NTM: variants seen among roughly 807,000 people sequenced by gnomAD.
NTM encodes IgLON family member 2.
NTM carries 13 observed loss-of-function variants against 42.1 expected under a neutral mutation model. The ratio of observed to expected loss-of-function variants is 0.31; its 90% CI spans 0.20 to 0.49. The LOEUF (loss-of-function observed/expected upper bound fraction) is 0.49. Among genes scored for constraint, NTM ranks in the 20% least tolerant of loss-of-function variants. The pLI is 0.99. For missense variants in NTM, 373 were observed against 452.8 expected, an observed-to-expected ratio of 0.82 and a Z score of 1.60; for synonymous variants, 187 against 179.2, an observed-to-expected ratio of 1.04 and a Z score of -0.35.
chr11:131,510,376 G>T (rs1565582114), intron 1 of NTM, among the ~76,000 whole-genome samples: 2 of 152,182 alleles, frequency 1.3e-5, no homozygotes, highest in African/African-American at 2.4e-5. Context: ...GCCCAGTAAA[G>T]TACCTCTGTC....
intron 1 of NTM, among the ~76,000 whole-genome samples, chr11:131,883,434 A>G (rs560888248): frequency 2.6e-4 from 40 of 152,308 alleles, no homozygotes; most frequent in African/African-American, 9.1e-4. Flanking sequence ...TCCAGATCAC[A>G]GAGAGATTCT....
At chr11:132,024,117 A>AT (rs575820530) in intron 2 of NTM, among the ~76,000 whole-genome samples, 3,530 of 148,536 alleles carry the variant, frequency 0.024, 56 homozygotes, top group South Asian at 0.055. Context: ...TGCACCCAGC[A>AT]TTTTTTTTTT....
At chr11:131,589,814 C>T (rs1394356425) in intron 1 of NTM, among the ~76,000 whole-genome samples, 2 of 152,188 alleles carry the variant, frequency 1.3e-5, no homozygotes, top group Admixed American at 1.3e-4. Context: ...TGTGCCTCAC[C>T]TGGTGTCCCT....
At chr11:131,486,288 T>C (rs1954165410) in intron 1 of NTM, among the ~76,000 whole-genome samples, 1 of 152,182 alleles carries the variant, frequency 6.6e-6, no homozygotes, top group South Asian at 2.1e-4. Context: ...TGCTGATTCA[T>C]GCTACCAGAA....
intron 1 of NTM, among the ~76,000 whole-genome samples, chr11:131,414,882 T>G (rs545236151): frequency 2.6e-5 from 4 of 152,296 alleles, no homozygotes; most frequent in South Asian, 4.1e-4. Context: ...AACAGGGTTG[T>G]CTATACAGTG....
At chr11:132,231,620 T>G (rs2087573347) in intron 4 of NTM, among the ~76,000 whole-genome samples, 1 of 151,146 alleles carries the variant, frequency 6.6e-6, no homozygotes, top group South Asian at 2.1e-4. Context: ...AAAGGGCATT[T>G]TATTCAAAAT....
rs1174892876 is a variant in NTM, at chr11:132,288,848, TG to T, written c.527-18839del. ...GTTGGCCAGGCTGGTCTTGAACTCC[TG>T]GCCTCAGGTGATCCACCCGCCTCAG... is the stretch of plus-strand genomic sequence containing the variant. On this transcript the variant is annotated intron_variant, in intron 4 of 8. Coordinates refer to ENST00000683400, the MANE Select transcript of NTM (RefSeq NM_001352005.2). Among the ~76,000 whole-genome samples, 6 of 152,294 alleles carry T rather than the reference TG, an allele frequency of 3.9e-5. No homozygotes were observed. The East Asian group carries it at 1.2e-3, about 29-fold the overall frequency.
intron 4 of NTM, among the ~76,000 whole-genome samples, chr11:132,259,571 T>C (rs1244458827): frequency 6.6e-6 from 1 of 151,478 alleles, no homozygotes; most frequent in Non-Finnish European, 1.5e-5. Flanking sequence ...TCCCAGCTAC[T>C]CGGGAGGCTG....
At chr11:131,664,762 T>G (rs1404806904) in intron 1 of NTM, among the ~76,000 whole-genome samples, 5 of 147,180 alleles carry the variant, frequency 3.4e-5, no homozygotes, top group African/African-American at 7.5e-5. Context: ...TGTTTTTTTT[T>G]TTTTTTTTTT....
intron 1 of NTM, among the ~76,000 whole-genome samples, chr11:131,791,381 T>G (rs1347435584): frequency 6.6e-6 from 1 of 152,238 alleles, no homozygotes. Context: ...TTTTTGTCTG[T>G]GTTTATCCTT....
At chr11:132,014,026 C>A (rs529712714) in intron 2 of NTM, among the ~76,000 whole-genome samples, 4 of 152,074 alleles carry the variant, frequency 2.6e-5, no homozygotes, top group Admixed American at 2.0e-4. Context: ...CATTAGCCAA[C>A]CTTTCTTCAT....
chr11:131,873,650 C>CATATATATAT (rs1319438586), intron 1 of NTM, among the ~76,000 whole-genome samples: 1 of 115,384 alleles, frequency 8.7e-6, no homozygotes, highest in African/African-American at 4.6e-5. Context: ...TATATATATA[C>CATATATATAT]ACACATATAT....
chr11:132,279,514 G>T (rs2093882915), intron 4 of NTM, among the ~76,000 whole-genome samples: 1 of 152,124 alleles, frequency 6.6e-6, no homozygotes, highest in Non-Finnish European at 1.5e-5. Flanking sequence ...ATGCTCACCA[G>T]AACTTCCACT....
chr11:131,786,941 T>A (rs1462261507), intron 1 of NTM, among the ~76,000 whole-genome samples: 1 of 152,228 alleles, frequency 6.6e-6, no homozygotes, highest in Non-Finnish European at 1.5e-5. Flanking sequence ...GAGGAAATTT[T>A]ATAAGTGGAA....
chr11:131,376,079 C>G (rs1941933363), intron 1 of NTM, among the ~76,000 whole-genome samples: 1 of 152,126 alleles, frequency 6.6e-6, no homozygotes, highest in East Asian at 1.9e-4. Flanking sequence ...AGGGGTTGCT[C>G]TGCTTCATGC....
chr11:131,523,275 A>C (rs1323679032), intron 1 of NTM, among the ~76,000 whole-genome samples: 1 of 152,242 alleles, frequency 6.6e-6, no homozygotes, highest in African/African-American at 2.4e-5. Context: ...TTGTAATACT[A>C]GTTGTCAGAG....
chr11:131,852,185 G>A (rs905454826), intron 1 of NTM, among the ~76,000 whole-genome samples: 9 of 152,192 alleles, frequency 5.9e-5, no homozygotes, highest in Non-Finnish European at 7.3e-5. Flanking sequence ...ATGGCAGTCA[G>A]TGTGTGCTTT....
At chr11:131,516,328 T>C (rs1313549240) in intron 1 of NTM, among the ~76,000 whole-genome samples, 1 of 152,242 alleles carries the variant, frequency 6.6e-6, no homozygotes, top group Non-Finnish European at 1.5e-5. Context: ...CTGAATTCAG[T>C]CTTCTGAATC....
chr11:131,465,525 A>G lies in NTM; in HGVS notation c.82+94637A>G, dbSNP rs549916613. The stretch of plus-strand genomic sequence containing the variant: ...GCTTACTATGTCTTCTCTTCCAACC[A>G]TTAAAGTTCTTGTCATACCTGGGGT... On this transcript the variant is annotated intron_variant, in intron 1 of 8. Coordinates refer to ENST00000683400, the MANE Select transcript of NTM (RefSeq NM_001352005.2). Among the ~76,000 whole-genome samples, 248 of 152,140 alleles carry G rather than the reference A, an allele frequency of 1.6e-3. 3 individuals are homozygous for G. Among genetic ancestry groups the G allele is most frequent in the African/African-American group, 5.1e-3 (213 of 41,518 alleles).
Sources: allele counts gnomAD v4.1 joint callset (sites outside exome capture counted in the v4.1 genomes callset), GRCh38; gene constraint gnomAD v4.1.1; transcripts MANE v1.5; gene names NCBI Gene and HGNC (gene_info 2026-07-23, HGNC 2026-07-21).